Variants in FEZ2 observed in about 807,000 individuals in gnomAD.
FEZ2 encodes fasciculation and elongation protein zeta-2.
Under a neutral mutation model 40.4 loss-of-function variants are expected in FEZ2, and 51 were observed. The ratio of observed to expected loss-of-function variants is 1.26; its 90% CI spans 1.01 to 1.59. The LOEUF is 1.59. FEZ2 is among the 40% of genes most tolerant of loss of function. The probability of loss-of-function intolerance (pLI) is 0.00; values close to 1 mark genes in which losing one functional copy is unlikely to be tolerated. For synonymous variants in FEZ2, 242 were observed against 172.0 expected (o/e 1.41, Z -3.18); for missense variants, 640 against 438.3 (o/e 1.46, Z -4.11).
intron 1 of FEZ2, among the ~76,000 whole-genome samples, chr2:36,591,829 G>C (rs966239167): frequency 6.6e-6 from 1 of 152,000 alleles, no homozygotes; most frequent in Admixed American, 6.6e-5. Flanking sequence ...AACCTCCCTA[G>C]GTATCCTCTG....
intron 5 of FEZ2, among the ~76,000 whole-genome samples, chr2:36,571,491 T>A (rs1668409023): frequency 6.7e-6 from 1 of 148,962 alleles, no homozygotes; most frequent in Non-Finnish European, 1.5e-5. Flanking sequence ...TGAAACCCCA[T>A]CTCTACTAAA....
chr2:36,595,500 G>C (rs1669189977), intron 1 of FEZ2, among the ~76,000 whole-genome samples: 1 of 152,168 alleles, frequency 6.6e-6, no homozygotes, highest in East Asian at 1.9e-4. Context: ...GGCTCAGGTG[G>C]TAATGCAAGC....
chr2:36,555,275 CTCTT>C (rs1353071403), intron 7 of FEZ2: 1 of 156,090 alleles, frequency 6.4e-6, no homozygotes, highest in African/African-American at 2.4e-5. Flanking sequence ...ACAGATGTGA[CTCTT>C]CCTTCCTTCA....
chr2:36,560,797 A>C (rs1172142828), intron 5 of FEZ2: 4 of 1,605,700 alleles, frequency 2.5e-6, no homozygotes, highest in Non-Finnish European at 3.4e-6. Context: ...GTTTCTCTCC[A>C]CCTGAATTTC....
intron 5 of FEZ2, chr2:36,559,354 A>T (rs542447322): frequency 6.6e-6 from 1 of 152,344 alleles, no homozygotes; most frequent in South Asian, 2.1e-4. Flanking sequence ...ATATGCTCAT[A>T]TAGAAAGCCA....
chr2:36,586,421 G>C (rs771637328), intron 2 of FEZ2, among the ~76,000 whole-genome samples: 18 of 152,132 alleles, frequency 1.2e-4, no homozygotes, highest in Non-Finnish European at 1.8e-4. Flanking sequence ...GATTGCTTGA[G>C]CTCAGGAGTT....
At chr2:36,557,288 G>C (rs760814631) in intron 6 of FEZ2, 2 of 152,080 alleles carry the variant, frequency 1.3e-5, no homozygotes, top group South Asian at 4.2e-4. Context: ...GAAAATAAGA[G>C]GGCTAGCTAC....
intron 2 of FEZ2, among the ~76,000 whole-genome samples, chr2:36,584,299 A>T (rs1263441308): frequency 6.6e-6 from 1 of 152,114 alleles, no homozygotes; most frequent in Non-Finnish European, 1.5e-5. Flanking sequence ...GTTTATGGTA[A>T]TTTCTCCCTC....
At chr2:36,588,440 G>A (rs1308769788) in intron 2 of FEZ2, among the ~76,000 whole-genome samples, 4 of 152,132 alleles carry the variant, frequency 2.6e-5, no homozygotes, top group Non-Finnish European at 5.9e-5. Flanking sequence ...GGCAGCAAAA[G>A]GGAGCAACCT....
intron 4 of FEZ2, among the ~76,000 whole-genome samples, chr2:36,579,958 T>C (rs1279700370): frequency 2.0e-5 from 3 of 152,232 alleles, no homozygotes; most frequent in Non-Finnish European, 1.5e-5. Flanking sequence ...ACATGACTGG[T>C]ATTCTTATAA....
chr2:36,572,856 A>C (rs1046602137), intron 5 of FEZ2, among the ~76,000 whole-genome samples: 2 of 152,222 alleles, frequency 1.3e-5, no homozygotes, highest in African/African-American at 4.8e-5. Flanking sequence ...AAACGGAGCA[A>C]TGTAGCTGTG....
At chr2:36,583,144 T>C (rs1668801183) in intron 3 of FEZ2, among the ~76,000 whole-genome samples, 1 of 152,190 alleles carries the variant, frequency 6.6e-6, no homozygotes, top group Non-Finnish European at 1.5e-5. Context: ...AGGCCTCTGT[T>C]GGAAACCTTC....
Position 36,555,737 on chromosome 2 carries a change from T to C in FEZ2, c.991A>G (p.Met331Val), listed in dbSNP as rs2125217036. ...GGAACTTTTTCACTGTCCTCCTTCA[T>C]GGCACGAAGAACTGCAAAATAGAAG... is the stretch of plus-strand genomic sequence containing the variant. ...LQILTKILRA[M>V]KEDSEKVPSL... The change falls in exon 7 of 8, where the codon ATG (methionine) becomes GTG (valine). Residue 331 changes from methionine (M) to valine (V), a missense_variant. Met to Val is a conservative substitution (Grantham distance 21). Coordinates refer to ENST00000405912, the MANE Select transcript of FEZ2 (RefSeq NM_005102.3). 2.5e-6 allele frequency: 4 copies of C among 1,584,508 alleles called. No individual in the cohort carries two copies. Among genetic ancestry groups the C allele is most frequent in the Non-Finnish European group, 3.4e-6 (4 of 1,166,470 alleles).
intron 5 of FEZ2, among the ~76,000 whole-genome samples, chr2:36,576,023 C>A (rs116363910): frequency 6.6e-6 from 1 of 152,048 alleles, no homozygotes; most frequent in Non-Finnish European, 1.5e-5. Flanking sequence ...TATGACAATT[C>A]TAAGGAGGTC....
At position 36,583,453 on chromosome 2, in the gene FEZ2, A is replaced by G; in HGVS notation, c.392T>C (p.Leu131Pro). Residue 131 changes from leucine to proline, a missense_variant, in exon 3 of 8, where the codon CTC (leucine) becomes CCC (proline). By Grantham distance (98) the Leu-to-Pro change is moderately conservative. Coordinates refer to ENST00000405912, the MANE Select transcript of FEZ2 (RefSeq NM_005102.3). Reference sequence around the variant, plus strand: ...CTCTTCATCATCTGATGTATCAAAGAGCAAACTGTCACTTACCTAAAAACA... The same window carrying G: ...CTCTTCATCATCTGATGTATCAAAGGGCAAACTGTCACTTACCTAAAAACA... ...LSEKGVSDSL[L>P]FDTSDDEELR... 1.9e-6 allele frequency: 3 copies of G among 1,586,208 alleles called. No individual in the cohort carries two copies. The highest frequency in any genetic ancestry group is 2.6e-6 in the Non-Finnish European group (3 of 1,154,730).
In FEZ2 at chr2:36,581,285, C is replaced by G. The variant is rs777033656; in HGVS notation, c.634+5G>C. On this transcript the variant is annotated splice_donor_5th_base_variant and intron_variant, in intron 4 of 7. Coordinates refer to ENST00000405912, the MANE Select transcript of FEZ2 (RefSeq NM_005102.3). Reference sequence around the variant, plus strand: ...GAAATCATTGATTTCAGCAGGCTCCCTTACTCTCTTCATAACTGCCGGTAC... The same window carrying G: ...GAAATCATTGATTTCAGCAGGCTCCGTTACTCTCTTCATAACTGCCGGTAC... 12 of 1,613,216 alleles carry G rather than the reference C, an allele frequency of 7.4e-6. No individual in the cohort carries two copies. The highest frequency in any genetic ancestry group is 1.0e-5 in the Non-Finnish European group (12 of 1,179,446).
chr2:36,574,641 G>T (rs141530543), intron 5 of FEZ2, among the ~76,000 whole-genome samples: 7 of 151,290 alleles, frequency 4.6e-5, no homozygotes, highest in African/African-American at 1.7e-4. Context: ...TTTAAAGGAT[G>T]AGTGAGAAAA....
chr2:36,558,667 T>C (rs1668016285), intron 5 of FEZ2, 154 bp from the exon 6 acceptor site: 2 of 435,732 alleles, frequency 4.6e-6, no homozygotes, highest in Non-Finnish European at 4.0e-6. Flanking sequence ...AAAGTTATCT[T>C]ACTATCTCAG....
intron 5 of FEZ2, among the ~76,000 whole-genome samples, chr2:36,574,355 T>A (rs1167440558): frequency 6.6e-6 from 1 of 152,172 alleles, no homozygotes; most frequent in Non-Finnish European, 1.5e-5. Context: ...ATTTGCAAGT[T>A]TATCTTTCGT....
Sources: allele counts gnomAD v4.1 joint callset (sites outside exome capture counted in the v4.1 genomes callset), GRCh38; gene constraint gnomAD v4.1.1; transcripts MANE v1.5; gene names NCBI Gene and HGNC (gene_info 2026-07-23, HGNC 2026-07-21).